Variants in RTL4 observed in about 807,000 individuals in gnomAD.
The protein encoded by RTL4 is retrotransposon Gag like 4.
Under a neutral mutation model 5.3 loss-of-function variants are expected in RTL4, and 4 were observed. The observed-to-expected ratio is 0.75, with a 90% confidence interval of 0.37 to 1.72. The LOEUF (loss-of-function observed/expected upper bound fraction) is 1.72. Among genes scored for constraint, RTL4 ranks in the 40% most tolerant of loss-of-function variants. The pLI is 0.04. For missense variants in RTL4, 260 were observed against 227.1 expected, an observed-to-expected ratio of 1.14 and a Z score of -0.93; for synonymous variants, 98 against 87.3, an observed-to-expected ratio of 1.12 and a Z score of -0.68.
At chrX:112,211,537 C>T in the RTL4 span, among the ~76,000 whole-genome samples, 1 of 112,255 alleles carries the variant, frequency 8.9e-6, no homozygotes, top group African/African-American at 3.2e-5. Flanking sequence ...GGAGCTCTGC[C>T]TGTTGTTGCT....
upstream of RTL4, among the ~76,000 whole-genome samples, chrX:112,453,130 T>C (rs755443723): frequency 1.2e-4 from 13 of 111,365 alleles, no homozygotes; most frequent in Non-Finnish European, 1.9e-4. Flanking sequence ...GTGGTTGGAT[T>C]CATGTTTCTG....
At chrX:112,435,064 T>C in the RTL4 span, among the ~76,000 whole-genome samples, 2 of 111,020 alleles carry the variant, frequency 1.8e-5, no homozygotes, top group African/African-American at 6.6e-5. Context: ...GACTCACTCA[T>C]TGTCATGAGA....
the RTL4 span, among the ~76,000 whole-genome samples, chrX:112,216,138 G>A: frequency 1.8e-5 from 2 of 111,510 alleles, no homozygotes; most frequent in Non-Finnish European, 3.8e-5. Flanking sequence ...AGGAGTAGAG[G>A]TTCCAGCTAG....
At chrX:112,367,285 G>T in the RTL4 span, among the ~76,000 whole-genome samples, 1 of 111,505 alleles carries the variant, frequency 9.0e-6, no homozygotes, top group Non-Finnish European at 1.9e-5. Flanking sequence ...GATGACAGCT[G>T]CAAGAAATGA....
the RTL4 span, among the ~76,000 whole-genome samples, chrX:112,088,814 G>A: frequency 3.6e-5 from 4 of 112,346 alleles, no homozygotes; most frequent in Non-Finnish European, 7.5e-5. Context: ...TGACAAAAGT[G>A]ATGATGAACA....
chrX:112,405,467 G>A, the RTL4 span, among the ~76,000 whole-genome samples: 1 of 112,004 alleles, frequency 8.9e-6, no homozygotes, highest in Admixed American at 9.4e-5. Flanking sequence ...CAATTCCTGT[G>A]GTGTTATTTC....
At chrX:112,142,601 C>A in the RTL4 span, among the ~76,000 whole-genome samples, 1 of 111,655 alleles carries the variant, frequency 9.0e-6, no homozygotes, top group Non-Finnish European at 1.9e-5. Flanking sequence ...GGACACTAAA[C>A]AATGGCCATG....
the RTL4 span, among the ~76,000 whole-genome samples, chrX:112,334,481 A>G: frequency 8.9e-6 from 1 of 111,753 alleles, no homozygotes; most frequent in Non-Finnish European, 1.9e-5. Flanking sequence ...TTATTTGAAC[A>G]TCATGTCAGC....
chrX:112,155,112 C>T, the RTL4 span, among the ~76,000 whole-genome samples: 3 of 110,466 alleles, frequency 2.7e-5, no homozygotes, highest in African/African-American at 6.6e-5. Context: ...GTTGGTGCCT[C>T]GATCTTAGAC....
At chrX:112,302,053 G>A in the RTL4 span, among the ~76,000 whole-genome samples, 1 of 109,824 alleles carries the variant, frequency 9.1e-6, no homozygotes, top group Non-Finnish European at 1.9e-5. Context: ...GAAGTCAAGA[G>A]ATAGAGACCA....
At chrX:112,304,639 CTTTTTTTT>C in the RTL4 span, among the ~76,000 whole-genome samples, 1 of 48,360 alleles carries the variant, frequency 2.1e-5, no homozygotes, top group Non-Finnish European at 3.7e-5. Context: ...TTTCCCACAT[CTTTTTTTT>C]TTTTTTTTTT....
the RTL4 span, among the ~76,000 whole-genome samples, chrX:112,375,679 T>C: frequency 1.3e-4 from 14 of 111,723 alleles, no homozygotes; most frequent in Non-Finnish European, 2.1e-4. Flanking sequence ...ACTTCTCTGC[T>C]GGACTGTCAG....
At chrX:112,259,291 G>A in the RTL4 span, among the ~76,000 whole-genome samples, 2 of 111,149 alleles carry the variant, frequency 1.8e-5, no homozygotes, top group Non-Finnish European at 3.8e-5. Context: ...ATGCTTCTTA[G>A]TAATACTTTA....
chrX:112,176,639 A>G, the RTL4 span, among the ~76,000 whole-genome samples: 1 of 111,958 alleles, frequency 8.9e-6, no homozygotes, highest in Non-Finnish European at 1.9e-5. Flanking sequence ...CATCAGGGTA[A>G]TTGGGATATC....
At chrX:112,181,451 C>T in the RTL4 span, among the ~76,000 whole-genome samples, 6 of 111,992 alleles carry the variant, frequency 5.4e-5, no homozygotes, top group Non-Finnish European at 1.1e-4. Flanking sequence ...TCAATGCCAG[C>T]ACAGCAGTCT....
chrX:112,181,144 C>T, the RTL4 span, among the ~76,000 whole-genome samples: 2 of 111,888 alleles, frequency 1.8e-5, no homozygotes, highest in Non-Finnish European at 3.8e-5. Context: ...CGGTGCCTTC[C>T]TGCCCAGATA....
the RTL4 span, among the ~76,000 whole-genome samples, chrX:112,247,708 A>T: frequency 7.1e-5 from 8 of 112,508 alleles, no homozygotes; most frequent in African/African-American, 2.6e-4. Context: ...GCCAAAGCTC[A>T]TGTTCCTTCC....
the RTL4 span, among the ~76,000 whole-genome samples, chrX:112,441,305 T>G: frequency 9.0e-6 from 1 of 111,526 alleles, no homozygotes; most frequent in Admixed American, 9.6e-5. Flanking sequence ...TTGCTTTTCA[T>G]GGAATTAGAC....
At chrX:112,362,010 A>G in the RTL4 span, among the ~76,000 whole-genome samples, 1 of 111,823 alleles carries the variant, frequency 8.9e-6, no homozygotes, top group Non-Finnish European at 1.9e-5. Context: ...TTTCCCCTTC[A>G]TAGGTATTAT....
Sources: allele counts gnomAD v4.1 joint callset (sites outside exome capture counted in the v4.1 genomes callset), GRCh38; gene constraint gnomAD v4.1.1; transcripts MANE v1.5; gene names NCBI Gene and HGNC (gene_info 2026-07-23, HGNC 2026-07-21).